PLPP4: variants seen among roughly 807,000 people sequenced by gnomAD.
PLPP4 encodes phospholipid phosphatase 4.
In PLPP4, 20 loss-of-function variants were observed where a neutral mutation model predicts 32.2. The ratio of observed to expected loss-of-function variants is 0.62; its 90% CI spans 0.44 to 0.90. PLPP4 has a LOEUF of 0.90. Ranked by LOEUF, PLPP4 falls within the 40% of genes least tolerant of loss-of-function variation. The pLI is 0.00. For missense variants in PLPP4, 257 were observed against 353.1 expected (o/e 0.73, Z 2.18); for synonymous variants, 127 against 133.0 (o/e 0.95, Z 0.31).
rs776467067 is a variant in PLPP4 at position 120,589,459 on chromosome 10, C to T, written c.773C>T (p.Ala258Val). The T allele has an allele frequency of 4.5e-5, 72 of 1,614,000 alleles. No homozygotes were observed. Among genetic ancestry groups the T allele is most frequent in the Non-Finnish European group, 5.8e-5 (69 of 1,179,986 alleles). ...GAGGAGAGGCCCACAGCTGACAGCG[C>T]ACCCAGCTTGCCTCTGGAGGGGATC... The part of the protein sequence containing the change: ...KKEERPTADS[A>V]PSLPLEGITE... The change falls in exon 7 of 7, where the codon GCA becomes GTA. Residue 258 changes from alanine (A) to valine (V), a missense_variant. By Grantham distance (64) the Ala-to-Val change is moderately conservative (BLOSUM62 0). Transcript: ENST00000398250.
chr10:120,533,276 A>G (rs192625128), intron 5 of PLPP4, among the ~76,000 whole-genome samples: 1 of 152,262 alleles, frequency 6.6e-6, no homozygotes, highest in East Asian at 1.9e-4. Context: ...ATGAGGTTGA[A>G]TACCTTTTCA....
chr10:120,469,583 T>C (rs749787173), intron 1 of PLPP4, among the ~76,000 whole-genome samples: 40 of 152,178 alleles, frequency 2.6e-4, no homozygotes, highest in Non-Finnish European at 4.9e-4. Context: ...TACACCACAA[T>C]GAATGTGATG....
At chr10:120,566,844 G>A (rs368450597) in intron 5 of PLPP4, among the ~76,000 whole-genome samples, 2 of 152,128 alleles carry the variant, frequency 1.3e-5, no homozygotes, top group Admixed American at 1.3e-4. Context: ...CGTGAGCCAC[G>A]GCACCTGGCC....
chr10:120,462,295 G>T (rs1448821895), intron 1 of PLPP4, among the ~76,000 whole-genome samples: 1 of 152,150 alleles, frequency 6.6e-6, no homozygotes, highest in African/African-American at 2.4e-5. Flanking sequence ...TCAGGGCCCT[G>T]CAGGGCAGGG....
chr10:120,523,440 T>A (rs1395756185), intron 5 of PLPP4, among the ~76,000 whole-genome samples: 1 of 152,200 alleles, frequency 6.6e-6, no homozygotes, highest in Non-Finnish European at 1.5e-5. Flanking sequence ...AGTGAGCACC[T>A]GTTTTGGAGG....
chr10:120,587,719 T>C (rs1849826387), intron 6 of PLPP4, among the ~76,000 whole-genome samples: 1 of 152,240 alleles, frequency 6.6e-6, no homozygotes, highest in South Asian at 2.1e-4. Flanking sequence ...TTTCTAAGCA[T>C]TGAGCAGCTT....
chr10:120,547,028 C>A (rs1267651725), intron 5 of PLPP4, among the ~76,000 whole-genome samples: 2 of 151,058 alleles, frequency 1.3e-5, no homozygotes, highest in African/African-American at 4.9e-5. Context: ...CAATGTTTTA[C>A]TAGAGTTCAG....
chr10:120,513,691 A>G (rs940004407), intron 2 of PLPP4, among the ~76,000 whole-genome samples: 2 of 152,180 alleles, frequency 1.3e-5, no homozygotes, highest in Non-Finnish European at 2.9e-5. Context: ...GCAATTACAA[A>G]TCAATTATAA....
chr10:120,543,508 AC>A (rs996880708), intron 5 of PLPP4, among the ~76,000 whole-genome samples: 1 of 152,100 alleles, frequency 6.6e-6, no homozygotes, highest in African/African-American at 2.4e-5. Flanking sequence ...TAAAAAAAAA[AC>A]ACACTCAGCT....
chr10:120,543,899 A>G (rs2133968346), intron 5 of PLPP4, among the ~76,000 whole-genome samples: 1 of 152,310 alleles, frequency 6.6e-6, no homozygotes, highest in South Asian at 2.1e-4. Context: ...TTCACTTAGC[A>G]TACGTATCCT....
intron 5 of PLPP4, 26 bp from the exon 6 acceptor site, chr10:120,575,105 T>G: frequency 1.2e-6 from 2 of 1,603,860 alleles, no homozygotes; most frequent in Non-Finnish European, 1.7e-6. Context: ...CCTGCTAGAG[T>G]AACACCTGCT....
intron 1 of PLPP4, among the ~76,000 whole-genome samples, chr10:120,463,782 C>A (rs1848184337): frequency 1.3e-5 from 2 of 152,024 alleles, no homozygotes; most frequent in South Asian, 4.1e-4. Context: ...CCAGCCATCT[C>A]CTTGGGCCCT....
intron 6 of PLPP4, among the ~76,000 whole-genome samples, chr10:120,585,681 C>G (rs11596736): frequency 0.31 from 47,071 of 152,036 alleles, 7,376 homozygotes; most frequent in African/African-American, 0.33. Flanking sequence ...CCTGGTAGGG[C>G]CTGCAATGTC....
chr10:120,489,361 C>T (rs1844606061), intron 1 of PLPP4, among the ~76,000 whole-genome samples: 1 of 152,202 alleles, frequency 6.6e-6, no homozygotes, highest in African/African-American at 2.4e-5. Context: ...TGAGAATAGA[C>T]ATGCATTTGT....
chr10:120,552,858 G>A (rs1274818665), intron 5 of PLPP4, among the ~76,000 whole-genome samples: 1 of 152,194 alleles, frequency 6.6e-6, no homozygotes, highest in Non-Finnish European at 1.5e-5. Flanking sequence ...TGAGTGACAA[G>A]ACTGCAGTTG....
rs573979631 is a variant in PLPP4 at position 120,548,483 on chromosome 10, T to C, written c.446-26648T>C. On this transcript the variant is annotated intron_variant, in intron 5 of 6. Transcript: ENST00000398250. ...TTTTCTTTATCCAGTCTACCACTGA[T>C]GAACATTTAGGTTAATTTAATGACT... Among the ~76,000 whole-genome samples, 6 of 152,308 alleles carry C rather than the reference T, an allele frequency of 3.9e-5. No homozygotes were observed. The East Asian group carries it at 1.2e-3, about 29-fold the overall frequency.
intron 1 of PLPP4, among the ~76,000 whole-genome samples, chr10:120,465,906 C>G (rs926364266): frequency 1.3e-5 from 2 of 152,148 alleles, no homozygotes; most frequent in African/African-American, 4.8e-5. Flanking sequence ...GCAGTTTGTT[C>G]GTTCTCGTGT....
chr10:120,589,604 G>T lies in PLPP4; in HGVS notation c.*102G>T. 1.1e-6 allele frequency: 1 copy of T among 882,882 alleles called. No homozygotes were observed. The highest frequency in any genetic ancestry group is 1.7e-6 in the Non-Finnish European group (1 of 585,834). The allele number at this position is 882,882 out of a possible 1,614,324, so 54.7% of individuals were successfully genotyped here. A position where few individuals can be genotyped will look rare whatever the true frequency, so the allele number is the denominator to read the frequency against. On this transcript the variant is annotated 3_prime_UTR_variant, in exon 7 of 7. Transcript: ENST00000398250. ...TTCTGTAGTGTATTTTTCATCAGTTGTTTCTCAAAGTCATCGTACTTCTGC... is the reference window on the plus strand; with the variant it reads ...TTCTGTAGTGTATTTTTCATCAGTTTTTTCTCAAAGTCATCGTACTTCTGC...
At chr10:120,519,383 T>G (rs1387281425) in intron 4 of PLPP4, among the ~76,000 whole-genome samples, 1 of 152,024 alleles carries the variant, frequency 6.6e-6, no homozygotes, top group Non-Finnish European at 1.5e-5. Context: ...AGCTGGTCTC[T>G]ACAGACATGA....
Sources: gnomAD v4.1 joint callset for allele counts (sites outside exome capture counted in the v4.1 genomes callset) on GRCh38, gnomAD v4.1.1 for gene constraint, MANE v1.5 for transcripts, NCBI Gene and HGNC (gene_info 2026-07-23, HGNC 2026-07-21) for gene names.